KCNQ5: variants seen among roughly 807,000 people sequenced by gnomAD.
KCNQ5 encodes potassium voltage-gated channel subfamily Q member 5.
In KCNQ5, 30 loss-of-function variants were observed where a neutral mutation model predicts 98.2. The observed-to-expected ratio is 0.31, with a 90% CI of 0.23 to 0.41. The LOEUF (loss-of-function observed/expected upper bound fraction) is 0.41, where lower values mean the gene tolerates loss of function less well. Ranked by LOEUF, KCNQ5 falls within the 10% of genes least tolerant of loss-of-function variation. KCNQ5 has a pLI of 1.00. For missense variants in KCNQ5, 835 were observed against 1,182.5 expected, an observed-to-expected ratio of 0.71 and a Z score of 4.31; for synonymous variants, 458 against 449.4, an observed-to-expected ratio of 1.02 and a Z score of -0.24.
chr6:72,980,764 A>G (rs1023654755), intron 1 of KCNQ5, among the ~76,000 whole-genome samples: 12 of 152,112 alleles, frequency 7.9e-5, no homozygotes, highest in Admixed American at 1.3e-4. Context: ...TTTTCAAAGG[A>G]AATGCTTCCA....
At chr6:72,780,195 T>A (rs540592583) in intron 1 of KCNQ5, among the ~76,000 whole-genome samples, 1 of 152,336 alleles carries the variant, frequency 6.6e-6, no homozygotes, top group South Asian at 2.1e-4. Flanking sequence ...ACAGGTTAAG[T>A]AACTTCTCCA....
chr6:73,185,611 G>T (rs190363070), intron 11 of KCNQ5, among the ~76,000 whole-genome samples: 1 of 152,292 alleles, frequency 6.6e-6, no homozygotes, highest in African/African-American at 2.4e-5. Flanking sequence ...ATACTTTATT[G>T]TTGCTGGAAC....
chr6:73,177,095 G>A (rs535456589), intron 11 of KCNQ5, among the ~76,000 whole-genome samples: 11 of 152,308 alleles, frequency 7.2e-5, no homozygotes, highest in African/African-American at 2.6e-4. Flanking sequence ...TCAAGTAGGA[G>A]GCAGATGTCA....
intron 1 of KCNQ5, among the ~76,000 whole-genome samples, chr6:72,715,810 T>C (rs1349153496): frequency 6.6e-6 from 1 of 152,196 alleles, no homozygotes; most frequent in Non-Finnish European, 1.5e-5. Flanking sequence ...ACTAGGATAA[T>C]TATTTTACAA....
At chr6:73,137,109 A>G (rs997266457) in intron 10 of KCNQ5, among the ~76,000 whole-genome samples, 48 of 152,338 alleles carry the variant, frequency 3.2e-4, no homozygotes, top group African/African-American at 1.1e-3. Flanking sequence ...TAGAGAAAAA[A>G]AAAATATTCA....
At chr6:72,848,983 A>T (rs892793607) in intron 1 of KCNQ5, among the ~76,000 whole-genome samples, 8 of 152,178 alleles carry the variant, frequency 5.3e-5, no homozygotes, top group African/African-American at 1.9e-4. Flanking sequence ...TATTAACAGT[A>T]TGAGAACAGA....
At chr6:72,786,189 C>A (rs1020222336) in intron 1 of KCNQ5, among the ~76,000 whole-genome samples, 3 of 152,138 alleles carry the variant, frequency 2.0e-5, no homozygotes, top group Admixed American at 2.0e-4. Context: ...ACATAGCACA[C>A]CTCAATTTGA....
chr6:73,157,743 G>T (rs778324627), intron 10 of KCNQ5: 155 of 778,158 alleles, frequency 2.0e-4, no homozygotes, highest in Non-Finnish European at 3.0e-4. Context: ...CCCGAGCGAT[G>T]AAGTAAGTGT....
intron 1 of KCNQ5, among the ~76,000 whole-genome samples, chr6:73,000,164 A>G (rs1448926597): frequency 6.6e-6 from 1 of 152,164 alleles, no homozygotes; most frequent in African/African-American, 2.4e-5. Context: ...CAGAAGCAAT[A>G]GAGTCAGCAA....
At chr6:73,193,429 C>T (rs1765670478) in intron 13 of KCNQ5, among the ~76,000 whole-genome samples, 1 of 132,964 alleles carries the variant, frequency 7.5e-6, no homozygotes, top group African/African-American at 2.8e-5. Flanking sequence ...AGTTCAAGAC[C>T]AACCTGACCA....
At chr6:72,854,758 TTGTGTGTGTGTGTG>T (rs34867008) in intron 1 of KCNQ5, among the ~76,000 whole-genome samples, 1 of 127,108 alleles carries the variant, frequency 7.9e-6, no homozygotes, top group Non-Finnish European at 1.7e-5. Flanking sequence ...ACACCATGGT[TTGTGTGTGTGTGTG>T]TGTGTGTGTG....
At chr6:72,650,663 T>G (rs1384160509) in intron 1 of KCNQ5, among the ~76,000 whole-genome samples, 1 of 152,128 alleles carries the variant, frequency 6.6e-6, no homozygotes, top group Non-Finnish European at 1.5e-5. Flanking sequence ...GTAGGATATA[T>G]GTATATGGAA....
chr6:72,899,415 G>T (rs1779388074), intron 1 of KCNQ5, among the ~76,000 whole-genome samples: 1 of 152,076 alleles, frequency 6.6e-6, no homozygotes, highest in African/African-American at 2.4e-5. Flanking sequence ...ACTAATGATA[G>T]AATTATGAGA....
In KCNQ5 at chr6:72,748,903, C is replaced by T. The variant is rs183833980; in HGVS notation, c.398+126316C>T. Among the ~76,000 whole-genome samples the T allele has an allele frequency of 4.3e-3, 648 of 152,210 alleles. 4 individuals are homozygous for T. Among genetic ancestry groups the T allele is most frequent in the South Asian group, 6.8e-3 (33 of 4,824 alleles). On this transcript the variant is annotated intron_variant, in intron 1 of 13. Transcript: ENST00000370398. ...TGTTTTTCCTGCACTGGCTCTGACA[C>T]GTTCACACATGAATGTGTTTCATTC...
At chr6:72,928,545 G>A (rs1054551193) in intron 1 of KCNQ5, among the ~76,000 whole-genome samples, 2 of 151,994 alleles carry the variant, frequency 1.3e-5, no homozygotes, top group African/African-American at 4.8e-5. Flanking sequence ...ATTACTTTTA[G>A]TATGGGAGAT....
At chr6:73,009,299 C>T (rs552168733) in intron 2 of KCNQ5, among the ~76,000 whole-genome samples, 130 of 152,128 alleles carry the variant, frequency 8.5e-4, no homozygotes, top group African/African-American at 3.0e-3. Flanking sequence ...GCCTAAACAG[C>T]ATACTTTTAA....
chr6:72,656,690 A>G (rs146949378), intron 1 of KCNQ5, among the ~76,000 whole-genome samples: 1 of 152,302 alleles, frequency 6.6e-6, no homozygotes, highest in African/African-American at 2.4e-5. Flanking sequence ...GAATCCAATA[A>G]ACATCATAGA....
chr6:73,026,464 C>T (rs184404249), intron 2 of KCNQ5, among the ~76,000 whole-genome samples: 1 of 152,262 alleles, frequency 6.6e-6, no homozygotes, highest in East Asian at 1.9e-4. Context: ...TTAGAGTTTG[C>T]TCCAAAAGGC....
At chr6:73,108,475 A>C (rs1327039874) in intron 6 of KCNQ5, among the ~76,000 whole-genome samples, 2 of 152,200 alleles carry the variant, frequency 1.3e-5, no homozygotes, top group Non-Finnish European at 2.9e-5. Flanking sequence ...GTAATCCTTA[A>C]CAATATTAAC....
Sources: gnomAD v4.1 joint callset for allele counts (sites outside exome capture counted in the v4.1 genomes callset) on GRCh38, gnomAD v4.1.1 for gene constraint, MANE v1.5 for transcripts, NCBI Gene and HGNC (gene_info 2026-07-23, HGNC 2026-07-21) for gene names.